The following DCAF8L2 variants were observed in gnomAD, a reference collection of about 807,000 sequenced individuals.
The protein encoded by DCAF8L2 is DDB1 and CUL4 associated factor 8 like 2.
For synonymous variants in DCAF8L2, 200 were observed against 190.9 expected (o/e 1.05, Z -0.39); for missense variants, 430 against 490.7 (o/e 0.88, Z 1.17).
intron 3 of DCAF8L2, among the ~76,000 whole-genome samples, chrX:27,688,548 AC>A (rs1191918072): frequency 9.1e-6 from 1 of 110,284 alleles, no homozygotes; most frequent in Non-Finnish European, 1.9e-5. Context: ...TAATATGATG[AC>A]CATCTATGAT....
At chrX:27,725,655 G>T (rs1474371902) in intron 4 of DCAF8L2, among the ~76,000 whole-genome samples, 1 of 109,791 alleles carries the variant, frequency 9.1e-6, no homozygotes, top group East Asian at 2.8e-4. Flanking sequence ...ATTATAAATT[G>T]CATTTTAAAT....
chrX:27,685,685 G>C (rs781211261), intron 3 of DCAF8L2, among the ~76,000 whole-genome samples: 1 of 111,837 alleles, frequency 8.9e-6, no homozygotes, highest in African/African-American at 3.2e-5. Context: ...ATATATTTTT[G>C]TGTAAGACCT....
the DCAF8L2 span, among the ~76,000 whole-genome samples, chrX:27,561,394 A>T: frequency 3.3e-4 from 37 of 111,931 alleles, no homozygotes; most frequent in Non-Finnish European, 5.6e-4. Flanking sequence ...TCCTCACCCC[A>T]TTCCAGGATC....
At chrX:27,497,545 C>CTTTCTTTCTTTCTTTCTTTCT in the DCAF8L2 span, among the ~76,000 whole-genome samples, 1 of 76,984 alleles carries the variant, frequency 1.3e-5, no homozygotes, top group African/African-American at 7.7e-5. Flanking sequence ...TCCTTCCTTC[C>CTTTCTTTCTTTCTTTCTTTCT]TTCCTTCTTT....
At chrX:27,533,170 GAAAGA>G in the DCAF8L2 span, among the ~76,000 whole-genome samples, 3 of 12,667 alleles carry the variant, frequency 2.4e-4, no homozygotes, top group Non-Finnish European at 5.8e-4. Flanking sequence ...GAGAGAGAAA[GAAAGA>G]AAGAAAGAAA....
intron 2 of DCAF8L2, among the ~76,000 whole-genome samples, chrX:27,635,071 T>C (rs746287712): frequency 9.0e-5 from 10 of 111,369 alleles, no homozygotes; most frequent in African/African-American, 2.9e-4. Flanking sequence ...TTAGCTCTTA[T>C]GCGTAGTGTA....
chrX:27,532,289 G>A, the DCAF8L2 span, among the ~76,000 whole-genome samples: 1 of 110,939 alleles, frequency 9.0e-6, no homozygotes, highest in South Asian at 3.8e-4. Flanking sequence ...GGAACATCCC[G>A]CTATGCCATA....
chrX:27,654,102 GCATTGAATTGCTGGTT>G (rs1185918889), intron 2 of DCAF8L2, among the ~76,000 whole-genome samples: 9 of 110,941 alleles, frequency 8.1e-5, no homozygotes, highest in Non-Finnish European at 1.5e-4. Flanking sequence ...TAGGGTTTGG[GCATTGAATTGCTGGTT>G]CAAGAACCTC....
chrX:27,619,779 G>A (rs1400683347), intron 1 of DCAF8L2, among the ~76,000 whole-genome samples: 1 of 110,603 alleles, frequency 9.0e-6, no homozygotes, highest in Non-Finnish European at 1.9e-5. Flanking sequence ...ATGACTCAAA[G>A]TCCAGGTGCA....
At chrX:27,654,256 T>G (rs2147204005) in intron 2 of DCAF8L2, among the ~76,000 whole-genome samples, 1 of 111,091 alleles carries the variant, frequency 9.0e-6, no homozygotes, top group South Asian at 3.8e-4. Flanking sequence ...ACGTAGCATG[T>G]GCAATAATTA....
chrX:27,534,804 A>C, the DCAF8L2 span, among the ~76,000 whole-genome samples: 1 of 111,939 alleles, frequency 8.9e-6, no homozygotes, highest in African/African-American at 3.2e-5. Context: ...AGGATTCCCA[A>C]ATTTATATTT....
rs745589130 is a variant in DCAF8L2, at chrX:27,599,035, A to G, written c.-342+8595A>G. 2.3e-4 allele frequency among the ~76,000 whole-genome samples: 25 copies of G among 108,676 alleles called. No individual in the cohort carries two copies. The Middle Eastern group carries it at 0.024, about 106-fold the overall frequency. The allele number at this position is 108,676 out of a possible 115,157, so 94.4% of individuals were successfully genotyped here. ...TCTGGGTGTTTATCCAAAAGAATTGAGGTTAAGATCTCAAAGAGATATTTG... is the reference window on the plus strand; with the variant it reads ...TCTGGGTGTTTATCCAAAAGAATTGGGGTTAAGATCTCAAAGAGATATTTG... On this transcript the variant is annotated intron_variant, in intron 1 of 4. Transcript: ENST00000451261.
chrX:27,669,459 T>G (rs895099684), intron 2 of DCAF8L2, among the ~76,000 whole-genome samples: 4 of 109,317 alleles, frequency 3.7e-5, no homozygotes. Context: ...TTTATTCATT[T>G]ATTTATTTAT....
At chrX:27,482,222 G>T in the DCAF8L2 span, among the ~76,000 whole-genome samples, 1 of 111,422 alleles carries the variant, frequency 9.0e-6, no homozygotes, top group Non-Finnish European at 1.9e-5. Flanking sequence ...AATGAATTTA[G>T]AAACGTAACA....
intron 2 of DCAF8L2, among the ~76,000 whole-genome samples, chrX:27,671,045 A>C (rs1362948736): frequency 1.8e-5 from 2 of 111,815 alleles, no homozygotes; most frequent in East Asian, 5.7e-4. Context: ...CTTTAGGTCA[A>C]ACACACTGGG....
chrX:27,746,988 G>A lies in DCAF8L2; in HGVS notation c.93G>A (p.Ala31=), dbSNP rs768015516. 34 of 1,191,278 alleles carry A rather than the reference G, an allele frequency of 2.9e-5. No homozygotes were observed. The Admixed American group carries it at 7.4e-4, about 26-fold the overall frequency. ...SSPEEQSGAV[A]ATEASSDIDI... is the part of the protein sequence containing the mutation. The stretch of plus-strand genomic sequence containing the variant: ...CAGAGGAGCAGTCTGGAGCCGTGGC[G>A]GCGACAGAGGCCTCCTCAGACATTG... The change falls in exon 5 of 5, where the codon GCG becomes GCA. Residue 31 remains alanine, a synonymous_variant. Transcript: ENST00000451261.
At chrX:27,613,147 C>T (rs932307461) in intron 1 of DCAF8L2, among the ~76,000 whole-genome samples, 6 of 111,176 alleles carry the variant, frequency 5.4e-5, no homozygotes, top group East Asian at 2.8e-4. Context: ...TTGTAGTTCT[C>T]CTTGAAGAGG....
the DCAF8L2 span, among the ~76,000 whole-genome samples, chrX:27,547,127 C>T: frequency 1.2e-4 from 13 of 111,907 alleles, no homozygotes; most frequent in Middle Eastern, 4.2e-3. Context: ...AGGGCAGGGG[C>T]AAAAGTCACC....
At chrX:27,471,365 T>A in the DCAF8L2 span, among the ~76,000 whole-genome samples, 1 of 111,441 alleles carries the variant, frequency 9.0e-6, no homozygotes, top group African/African-American at 3.3e-5. Context: ...TTTCCTGCAG[T>A]CCGTTCTCAC....
Sources: allele counts gnomAD v4.1 joint callset (sites outside exome capture counted in the v4.1 genomes callset), GRCh38; gene constraint gnomAD v4.1.1; transcripts MANE v1.5; gene names NCBI Gene and HGNC (gene_info 2026-07-23, HGNC 2026-07-21).